DERA: variants seen among roughly 807,000 people sequenced by gnomAD.
The protein encoded by DERA is 2-deoxy-D-ribose 5-phosphate aldolase.
A neutral mutation model predicts 41.1 loss-of-function variants in DERA; 15 were observed. The ratio of observed to expected loss-of-function variants is 0.37; its 90% CI spans 0.24 to 0.56. The LOEUF (loss-of-function observed/expected upper bound fraction) is 0.56. Among genes scored for constraint, DERA ranks in the 20% least tolerant of loss-of-function variants. The pLI, the probability that DERA is intolerant of heterozygous loss-of-function variation, is 0.81. For missense variants in DERA, 396 were observed against 403.4 expected (o/e 0.98, Z 0.16); for synonymous variants, 139 against 137.4 (o/e 1.01, Z -0.08).
At position 15,928,607 on chromosome 12, in the gene DERA, G is replaced by T. The variant is rs1158529826; in HGVS notation, c.31+17193G>T. ...ATGAAGTAGGGGAGATTTTGCCTGTGGGTGTGTTGGACTCTTATTGCATGC... is the reference window on the plus strand; with the variant it reads ...ATGAAGTAGGGGAGATTTTGCCTGTTGGTGTGTTGGACTCTTATTGCATGC... On this transcript the variant is annotated intron_variant, in intron 1 of 8. Coordinates refer to ENST00000428559, the MANE Select transcript of DERA (RefSeq NM_015954.4). The surrounding 1 kb of genome is among the most constrained non-coding windows in gnomAD (Gnocchi z 4.6). Among the ~76,000 whole-genome samples, 1 of 152,146 alleles carries T rather than the reference G, an allele frequency of 6.6e-6. No homozygotes were observed. The highest frequency in any genetic ancestry group is 1.5e-5 in the Non-Finnish European group (1 of 68,020).
chr12:15,960,065 A>G (rs1305560271), intron 4 of DERA, 141 bp downstream of exon 4: 4 of 605,544 alleles, frequency 6.6e-6, no homozygotes, highest in Non-Finnish European at 1.1e-5. Flanking sequence ...TGATTTTAGT[A>G]TGTACTAATT....
At chr12:15,930,238 G>C (rs1174817852) in intron 1 of DERA, among the ~76,000 whole-genome samples, 1 of 152,156 alleles carries the variant, frequency 6.6e-6, no homozygotes, top group Non-Finnish European at 1.5e-5. Context: ...ACATGAGGTT[G>C]TGAGGGAAAA....
chr12:15,990,062 C>G lies in DERA; in HGVS notation c.637+7626C>G, dbSNP rs757464670. Among the ~76,000 whole-genome samples the G allele has an allele frequency of 6.6e-6, 1 of 152,176 alleles. No homozygotes were observed. Among genetic ancestry groups the G allele is most frequent in the Non-Finnish European group, 1.5e-5 (1 of 68,018 alleles). On this transcript the variant is annotated intron_variant, in intron 6 of 8. Transcript: ENST00000428559. This position sits in a 1 kb window ranked among gnomAD's most constrained non-coding sequence, Gnocchi z 4.3. Reference sequence around the variant, plus strand: ...TGCATCATAAACTGTAAATAAAGTACTTTGCAAGTTATTGAAAAATATTAG... The same window carrying G: ...TGCATCATAAACTGTAAATAAAGTAGTTTGCAAGTTATTGAAAAATATTAG...
At chr12:16,016,688 G>T (rs1049497900) in intron 6 of DERA, among the ~76,000 whole-genome samples, 2 of 150,632 alleles carry the variant, frequency 1.3e-5, no homozygotes, top group African/African-American at 4.9e-5. Context: ...GCTACGTGGA[G>T]GGCTGAGGCA....
At chr12:15,964,582 G>A (rs886679075) in intron 5 of DERA, among the ~76,000 whole-genome samples, 6 of 152,186 alleles carry the variant, frequency 3.9e-5, no homozygotes, top group South Asian at 2.1e-4. Context: ...TTTTAGTCAC[G>A]GATTTCACTA....
intron 1 of DERA, among the ~76,000 whole-genome samples, chr12:15,955,798 G>A (rs1948533842): frequency 6.6e-6 from 1 of 152,124 alleles, no homozygotes; most frequent in Non-Finnish European, 1.5e-5. Flanking sequence ...AATTTGTATT[G>A]TTACATGATA....
At chr12:15,952,352 TG>T (rs1342861093) in intron 1 of DERA, among the ~76,000 whole-genome samples, 14 of 152,238 alleles carry the variant, frequency 9.2e-5, no homozygotes, top group African/African-American at 3.4e-4. Flanking sequence ...CGTATTTCCA[TG>T]GGACATATTC....
intron 6 of DERA, among the ~76,000 whole-genome samples, chr12:16,018,376 T>C (rs1280525876): frequency 6.6e-6 from 1 of 152,220 alleles, no homozygotes; most frequent in Non-Finnish European, 1.5e-5. Context: ...CATTATCTTG[T>C]AATTAAGACT....
chr12:15,950,278 C>T (rs1565593042), intron 1 of DERA, among the ~76,000 whole-genome samples: 1 of 152,188 alleles, frequency 6.6e-6, no homozygotes, highest in Non-Finnish European at 1.5e-5. Flanking sequence ...ATATGCTAAA[C>T]AAAGGGTGGA....
chr12:15,993,927 A>C lies in DERA; in HGVS notation c.637+11491A>C, dbSNP rs1948819296. ...AAAGAAAAGGTTGAGTATATGACAG[A>C]CATTTAAACATAAAATGTTTTCTTT... On this transcript the variant is annotated intron_variant, in intron 6 of 8. Coordinates refer to ENST00000428559, the MANE Select transcript of DERA (RefSeq NM_015954.4). This position sits in a 1 kb window ranked among gnomAD's most constrained non-coding sequence, Gnocchi z 4.4. Among the ~76,000 whole-genome samples the C allele has an allele frequency of 6.6e-6, 1 of 152,256 alleles. No homozygotes were observed. Among genetic ancestry groups the C allele is most frequent in the Non-Finnish European group, 1.5e-5 (1 of 68,050 alleles).
At chr12:16,016,815 AAAAG>A (rs1565615116) in intron 6 of DERA, among the ~76,000 whole-genome samples, 2 of 151,276 alleles carry the variant, frequency 1.3e-5, no homozygotes, top group East Asian at 1.9e-4. Flanking sequence ...AAAAAAAAAA[AAAAG>A]AAAGAAAGAT....
intron 1 of DERA, among the ~76,000 whole-genome samples, chr12:15,949,503 G>A (rs941568313): frequency 3.3e-5 from 5 of 152,196 alleles, no homozygotes; most frequent in Admixed American, 6.5e-5. Flanking sequence ...TGAGCCGGGC[G>A]TGGGATATAA....
rs80318018 is a variant in DERA at position 15,974,908 on chromosome 12, C to G, written c.509-7400C>G. On this transcript the variant is annotated intron_variant, in intron 5 of 8. Transcript: ENST00000428559. ...TCCCTTCCTCTGTCCTTCCCTCTCT[C>G]TCTCCTTCCCTCCCTTCCTTCCTTC... is the stretch of plus-strand genomic sequence containing the variant. Among the ~76,000 whole-genome samples the G allele has an allele frequency of 2.7e-3, 411 of 152,224 alleles. 4 individuals are homozygous for G. The highest frequency in any genetic ancestry group is 9.3e-3 in the African/African-American group (386 of 41,518).
chr12:16,013,089 G>T lies in DERA; in HGVS notation c.638-19453G>T, dbSNP rs1948957425. Among the ~76,000 whole-genome samples, 1 of 152,100 alleles carries T rather than the reference G, an allele frequency of 6.6e-6. No homozygotes were observed. The highest frequency in any genetic ancestry group is 6.6e-5 in the Admixed American group (1 of 15,260). On this transcript the variant is annotated intron_variant, in intron 6 of 8. Transcript: ENST00000428559. This position sits in a 1 kb window ranked among gnomAD's most constrained non-coding sequence, Gnocchi z 5.8. ...GACTCCCAGTTGGCATCATTGAGCT[G>T]GTCCTAAAAGGTCCTTTAACCAGAA...
At chr12:15,987,347 C>A (rs956253298) in intron 6 of DERA, among the ~76,000 whole-genome samples, 2 of 151,072 alleles carry the variant, frequency 1.3e-5, no homozygotes, top group African/African-American at 4.9e-5. Context: ...AGTGATTCTC[C>A]TGCCTCAGCC....
At chr12:15,934,596 A>C (rs1565587861) in intron 1 of DERA, among the ~76,000 whole-genome samples, 1 of 152,160 alleles carries the variant, frequency 6.6e-6, no homozygotes, top group Admixed American at 6.5e-5. Context: ...TAAAAAAAAA[A>C]CAAAAAAAAG....
In DERA at chr12:15,967,476, T is replaced by C. The variant is rs1011676719; in HGVS notation, c.508+4529T>C. Among the ~76,000 whole-genome samples, 9 of 152,332 alleles carry C rather than the reference T, an allele frequency of 5.9e-5. No individual in the cohort carries two copies. The East Asian group carries it at 1.7e-3, about 29-fold the overall frequency. ...TAAAAAGTGTTTTCATTTCCCTGAC[T>C]TTCTTAACAATTTTTATTAAATACA... On this transcript the variant is annotated intron_variant, in intron 5 of 8. Transcript: ENST00000428559. The surrounding 1 kb of genome is among the most constrained non-coding windows in gnomAD (Gnocchi z 4.9).
intron 5 of DERA, among the ~76,000 whole-genome samples, chr12:15,969,050 A>C (rs943107152): frequency 6.6e-6 from 1 of 152,158 alleles, no homozygotes; most frequent in African/African-American, 2.4e-5. Context: ...TTTTATGTTT[A>C]GTGTTTTCAT....
intron 1 of DERA, among the ~76,000 whole-genome samples, chr12:15,933,676 G>A (rs1327373629): frequency 6.6e-6 from 1 of 151,982 alleles, no homozygotes; most frequent in East Asian, 1.9e-4. Context: ...TTACTGTTTT[G>A]GAAACAGGCT....
Sources: gnomAD v4.1 joint callset for allele counts (sites outside exome capture counted in the v4.1 genomes callset) on GRCh38, gnomAD v4.1.1 for gene constraint, Gnocchi (gnomAD v3.1) non-coding constraint, MANE v1.5 for transcripts, NCBI Gene and HGNC (gene_info 2026-07-23, HGNC 2026-07-21) for gene names.